Variants in TLN2 observed in about 807,000 individuals in gnomAD.
The protein encoded by TLN2 is talin-2.
A neutral mutation model predicts 294.7 loss-of-function variants in TLN2; 118 were observed. The observed-to-expected ratio is 0.40, with a 90% CI of 0.34 to 0.47. The LOEUF is 0.47. Ranked by LOEUF, TLN2 falls within the 20% of genes least tolerant of loss-of-function variation. TLN2 has a pLI of 0.84. For missense variants in TLN2, 3,083 were observed against 3,282.2 expected (o/e 0.94, Z 1.48); for synonymous variants, 1,431 against 1,304.5 (o/e 1.10, Z -2.09).
In TLN2 at chr15:62,833,492, T is replaced by G; in HGVS notation, c.7003-12T>G. The G allele has an allele frequency of 6.2e-7, 1 of 1,612,674 alleles. No individual in the cohort carries two copies. The highest frequency in any genetic ancestry group is 8.5e-7 in the Non-Finnish European group (1 of 1,179,196). ...ATGAATTGAATGTGATGCTGTTTTC[T>G]TTTGGTTATAGCAAGCGGATGAGAC... On this transcript the variant is annotated splice_polypyrimidine_tract_variant and intron_variant, in intron 54 of 58. Transcript: ENST00000636159.
At chr15:62,823,869 G>T (rs1046619730) in intron 54 of TLN2, 1 of 453,076 alleles carries the variant, frequency 2.2e-6, no homozygotes, top group Non-Finnish European at 4.5e-6. Flanking sequence ...ACAGTTATCG[G>T]AGTTGCTGCA....
intron 1 of TLN2, among the ~76,000 whole-genome samples, chr15:62,460,933 G>T (rs1294368592): frequency 6.6e-6 from 1 of 151,702 alleles, no homozygotes; most frequent in Non-Finnish European, 1.5e-5. Context: ...GCTTGTGTGT[G>T]TGTGTGTTTA....
chr15:62,558,719 A>G (rs929423696), intron 1 of TLN2, among the ~76,000 whole-genome samples: 2 of 152,178 alleles, frequency 1.3e-5, no homozygotes, highest in African/African-American at 2.4e-5. Context: ...CACTAAGGAA[A>G]AGGATTTTGA....
chr15:62,468,922 CAGA>C (rs779658055), intron 1 of TLN2, among the ~76,000 whole-genome samples: 27 of 152,146 alleles, frequency 1.8e-4, no homozygotes, highest in Non-Finnish European at 3.2e-4. Flanking sequence ...GGCAGGTGAG[CAGA>C]AGAACACCTA....
intron 9 of TLN2, among the ~76,000 whole-genome samples, chr15:62,663,960 C>A (rs189322385): frequency 6.6e-6 from 1 of 151,944 alleles, no homozygotes; most frequent in East Asian, 1.9e-4. Flanking sequence ...CTAGTCAAGG[C>A]TCAAGAATGG....
intron 20 of TLN2, among the ~76,000 whole-genome samples, chr15:62,707,757 GA>G (rs1180824910): frequency 6.6e-6 from 1 of 152,140 alleles, no homozygotes; most frequent in East Asian, 1.9e-4. Flanking sequence ...TACTGATGAG[GA>G]ATCTGAGGCC....
chr15:62,515,703 A>C (rs930871518), intron 1 of TLN2, among the ~76,000 whole-genome samples: 1 of 151,020 alleles, frequency 6.6e-6, no homozygotes, highest in Admixed American at 6.6e-5. Context: ...CCTTCTGTGC[A>C]TGTTGGGGTT....
At chr15:62,744,249 C>G (rs541637376) in intron 32 of TLN2, among the ~76,000 whole-genome samples, 1 of 152,102 alleles carries the variant, frequency 6.6e-6, no homozygotes, top group Non-Finnish European at 1.5e-5. Context: ...CCTTGCTCAG[C>G]GATCCATCAT....
chr15:62,751,854 A>G (rs1454232155), intron 34 of TLN2, among the ~76,000 whole-genome samples: 1 of 152,250 alleles, frequency 6.6e-6, no homozygotes, highest in Non-Finnish European at 1.5e-5. Context: ...TTCTTACAGT[A>G]TTTAGGAAAC....
At chr15:62,800,142 C>G (rs1044350732) in intron 48 of TLN2, among the ~76,000 whole-genome samples, 1 of 152,202 alleles carries the variant, frequency 6.6e-6, no homozygotes, top group Non-Finnish European at 1.5e-5. Flanking sequence ...CACCTGACTT[C>G]TCCGTTCTGG....
rs140216004 is a variant in TLN2, at chr15:62,494,209, G to T, written c.-237-95478G>T. Among the ~76,000 whole-genome samples the T allele has an allele frequency of 6.6e-3, 1,002 of 152,144 alleles. 13 individuals are homozygous for T. The highest frequency in any genetic ancestry group is 0.023 in the African/African-American group (949 of 41,498). ...GCATAGCCAAGGGGGTTCCAGGGCCGTCCAGCCTTCACTCAAGGATGACTT... is the reference window on the plus strand; with the variant it reads ...GCATAGCCAAGGGGGTTCCAGGGCCTTCCAGCCTTCACTCAAGGATGACTT... On this transcript the variant is annotated intron_variant, in intron 1 of 58. Coordinates refer to ENST00000636159, the MANE Select transcript of TLN2 (RefSeq NM_015059.3).
chr15:62,783,960 A>T (rs762260942), intron 45 of TLN2, 70 bp downstream of exon 45: 1 of 1,598,334 alleles, frequency 6.3e-7, no homozygotes, highest in Admixed American at 1.7e-5. Context: ...GTATTTCTTC[A>T]TAGCTTAGCT....
intron 1 of TLN2, among the ~76,000 whole-genome samples, chr15:62,486,678 T>G (rs983481864): frequency 1.3e-5 from 2 of 152,132 alleles, no homozygotes; most frequent in Admixed American, 6.5e-5. Flanking sequence ...ACTGGAGACA[T>G]TAGCTTCAAT....
Position 62,698,830 on chromosome 15 carries a change from G to A in TLN2, c.1550G>A (p.Ser517Asn). The change falls in exon 16 of 59, where the codon AGT becomes AAT. Residue 517 changes from serine (S) to asparagine (N), a missense_variant. Physicochemically the swap from Ser to Asn is conservative, Grantham distance 46. Coordinates refer to ENST00000636159, the MANE Select transcript of TLN2 (RefSeq NM_015059.3). ...HAVQQAQDDLSELDSLPPLGQ... is the reference protein window; with the variant it reads ...HAVQQAQDDLNELDSLPPLGQ... ...GTCCAGCAGGCCCAGGATGATCTCAGTGAGCTCGACTCGCTGCCACCTCTC... is the reference window on the plus strand; with the variant it reads ...GTCCAGCAGGCCCAGGATGATCTCAATGAGCTCGACTCGCTGCCACCTCTC... 1 of 1,612,996 alleles carries A rather than the reference G, an allele frequency of 6.2e-7. No individual in the cohort carries two copies. Among genetic ancestry groups the A allele is most frequent in the East Asian group, 2.2e-5 (1 of 44,878 alleles).
chr15:62,540,953 T>C (rs1406617862), intron 1 of TLN2, among the ~76,000 whole-genome samples: 2 of 152,138 alleles, frequency 1.3e-5, no homozygotes, highest in Non-Finnish European at 2.9e-5. Context: ...TCCACTGAGG[T>C]TTGCTCTGGT....
At chr15:62,618,108 A>C (rs2048461571) in intron 2 of TLN2, among the ~76,000 whole-genome samples, 1 of 152,010 alleles carries the variant, frequency 6.6e-6, no homozygotes, top group African/African-American at 2.4e-5. Flanking sequence ...GCCTCAGGCA[A>C]TTCTTGAGAT....
chr15:62,422,091 T>A (rs1243380638), intron 1 of TLN2, among the ~76,000 whole-genome samples: 1 of 151,720 alleles, frequency 6.6e-6, no homozygotes, highest in African/African-American at 2.4e-5. Context: ...TGAAACCCCG[T>A]CTGTACTAAA....
At chr15:62,431,691 T>A (rs2035019560) in intron 1 of TLN2, among the ~76,000 whole-genome samples, 1 of 152,214 alleles carries the variant, frequency 6.6e-6, no homozygotes, top group African/African-American at 2.4e-5. Flanking sequence ...GCAGCTTTCT[T>A]TAGCTTTCTC....
chr15:62,578,094 T>C (rs1161943284), intron 1 of TLN2, among the ~76,000 whole-genome samples: 1 of 152,226 alleles, frequency 6.6e-6, no homozygotes, highest in Non-Finnish European at 1.5e-5. Flanking sequence ...AGTCTATCAC[T>C]GATGGACATT....
Sources: allele counts gnomAD v4.1 joint callset (sites outside exome capture counted in the v4.1 genomes callset), GRCh38; gene constraint gnomAD v4.1.1; transcripts MANE v1.5; gene names NCBI Gene and HGNC (gene_info 2026-07-23, HGNC 2026-07-21).